Variants in PFKP observed in about 807,000 individuals in gnomAD.
The protein encoded by PFKP is ATP-dependent 6-phosphofructokinase, platelet type.
A neutral mutation model predicts 94.3 loss-of-function variants in PFKP; 101 were observed. The observed-to-expected ratio is 1.07, with a 90% CI of 0.91 to 1.26. PFKP has a LOEUF of 1.26. Among genes scored for constraint, PFKP ranks in the 50% most tolerant of loss-of-function variants. The pLI, the probability that PFKP is intolerant of heterozygous loss-of-function variation, is 0.00. For synonymous variants in PFKP, 573 were observed against 432.6 expected (o/e 1.32, Z -4.03); for missense variants, 1,145 against 1,103.3 (o/e 1.04, Z -0.53).
chr10:3,086,844 C>T (rs1458745105), intron 2 of PFKP, among the ~76,000 whole-genome samples: 2 of 152,104 alleles, frequency 1.3e-5, no homozygotes, highest in African/African-American at 2.4e-5. Context: ...TGTAGTCGCC[C>T]GTCTGTTTCC....
chr10:3,120,369 C>CTGTGTGTGTGTGTGTGTGTG lies in PFKP; in HGVS notation c.1683+336_1683+355dup, dbSNP rs3841457. ...GTGATTGTACCAGCATTAAAAATCGCTGTGTGTGTGTGTGTGTGTGTGTGT... is the reference window on the plus strand; with the variant it reads ...GTGATTGTACCAGCATTAAAAATCGCTGTGTGTGTGTGTGTGTGTGTGTGTGTGTGTGTGTGTGTGTGTGT... On this transcript the variant is annotated intron_variant, in intron 16 of 21. Coordinates refer to ENST00000381125, the MANE Select transcript of PFKP (RefSeq NM_002627.5). Among the ~76,000 whole-genome samples, 414 of 108,552 alleles carry CTGTGTGTGTGTGTGTGTGTG rather than the reference C, an allele frequency of 3.8e-3. 3 individuals carry two copies. The highest frequency in any genetic ancestry group is 0.02 in the Middle Eastern group (5 of 244). 71.2% of individuals were successfully genotyped at this position (108,552 alleles called of 152,430 possible).
chr10:3,104,982 A>T, intron 5 of PFKP, 133 bp from the exon 6 acceptor site: 2 of 795,334 alleles, frequency 2.5e-6, no homozygotes, highest in Non-Finnish European at 4.3e-6. Context: ...AGGTCCCTGC[A>T]GGCCTCCTGG....
intron 1 of PFKP, chr10:3,069,405 C>T (rs1057348968): frequency 3.2e-6 from 5 of 1,580,442 alleles, no homozygotes; most frequent in East Asian, 2.3e-5. Context: ...AATGGAGCCG[C>T]CTTGGGGTCG....
intron 1 of PFKP, chr10:3,069,257 C>A: frequency 6.8e-7 from 1 of 1,463,534 alleles, no homozygotes; most frequent in Non-Finnish European, 9.1e-7. Flanking sequence ...ACCCCAGCAT[C>A]AACGTTCTTC....
At chr10:3,081,097 T>TAC (rs1057306449) in intron 1 of PFKP, among the ~76,000 whole-genome samples, 1 of 152,210 alleles carries the variant, frequency 6.6e-6, no homozygotes, top group African/African-American at 2.4e-5. Context: ...AATATATATA[T>TAC]ACACACATAC....
At position 3,102,955 on chromosome 10, in the gene PFKP, G is replaced by A. The variant is rs57796438; in HGVS notation, c.455-824G>A. Among the ~76,000 whole-genome samples the A allele has an allele frequency of 5.2e-3, 792 of 152,296 alleles. 7 individuals are homozygous for A. The highest frequency in any genetic ancestry group is 0.018 in the African/African-American group (763 of 41,558). ...AGACCGGGACAGTGGCCACAAGTCC[G>A]GGCCCAAGCTTGCCCCTGGCCCTTC... On this transcript the variant is annotated intron_variant, in intron 4 of 21. Transcript: ENST00000381125.
intron 10 of PFKP, among the ~76,000 whole-genome samples, 178 bp from the exon 11 acceptor site, chr10:3,112,044 A>C (rs929990864): frequency 6.6e-6 from 1 of 152,118 alleles, no homozygotes; most frequent in Non-Finnish European, 1.5e-5. Flanking sequence ...CTGGCTGCCA[A>C]CCAGCATTAG....
intron 19 of PFKP, among the ~76,000 whole-genome samples, chr10:3,133,574 G>C (rs934252198): frequency 6.6e-6 from 1 of 152,138 alleles, no homozygotes; most frequent in Non-Finnish European, 1.5e-5. Context: ...GGCAGTATAG[G>C]CACCCACCAC....
chr10:3,127,057 T>C (rs1020858031), intron 16 of PFKP, among the ~76,000 whole-genome samples: 1 of 152,272 alleles, frequency 6.6e-6, no homozygotes, highest in Non-Finnish European at 1.5e-5. Flanking sequence ...GGGCCGCGCT[T>C]GGGATCTGCC....
At position 3,092,016 on chromosome 10, in the gene PFKP, A is replaced by G. The variant is rs111731886; in HGVS notation, c.187-7259A>G. ...ATGCCTTTTTATGTTGAAAGGATAA[A>G]GGGTGTTGGTACAGCATCAGCATCC... On this transcript the variant is annotated intron_variant, in intron 2 of 21. Coordinates refer to ENST00000381125, the MANE Select transcript of PFKP (RefSeq NM_002627.5). 9.6e-3 allele frequency among the ~76,000 whole-genome samples: 1,457 copies of G among 152,286 alleles called. 25 individuals are homozygous for G. Among genetic ancestry groups the G allele is most frequent in the African/African-American group, 0.033 (1,373 of 41,562 alleles).
At chr10:3,086,561 G>A (rs947490493) in intron 2 of PFKP, among the ~76,000 whole-genome samples, 1 of 152,246 alleles carries the variant, frequency 6.6e-6, no homozygotes, top group Non-Finnish European at 1.5e-5. Context: ...TGATGCTACC[G>A]CACATCCTAC....
chr10:3,128,672 T>A (rs1838221085), intron 16 of PFKP, among the ~76,000 whole-genome samples: 1 of 152,214 alleles, frequency 6.6e-6, no homozygotes, highest in Non-Finnish European at 1.5e-5. Flanking sequence ...AGCATCCCGC[T>A]CCAGGGCCTT....
At chr10:3,105,369 G>C in intron 6 of PFKP, 24 bp from the exon 7 acceptor site, 1 of 1,584,228 alleles carries the variant, frequency 6.3e-7, no homozygotes, top group Non-Finnish European at 8.7e-7. Flanking sequence ...CTGGGGTGTT[G>C]ATGCTGTTGC....
At chr10:3,083,359 A>G (rs895343049) in intron 2 of PFKP, among the ~76,000 whole-genome samples, 1 of 152,168 alleles carries the variant, frequency 6.6e-6, no homozygotes, top group Non-Finnish European at 1.5e-5. Flanking sequence ...AGTTTGGATC[A>G]CAGTATTAAT....
intron 1 of PFKP, chr10:3,068,717 G>A (rs1831934129): frequency 7.1e-6 from 7 of 984,346 alleles, no homozygotes; most frequent in Non-Finnish European, 7.2e-6. Context: ...ATGATGGAGT[G>A]TCCCGATCCG....
intron 2 of PFKP, among the ~76,000 whole-genome samples, chr10:3,086,154 A>G (rs560414013): frequency 2.0e-5 from 3 of 152,258 alleles, no homozygotes; most frequent in Admixed American, 1.3e-4. Flanking sequence ...TTTTAAATTC[A>G]TGAAGACTTG....
intron 15 of PFKP, among the ~76,000 whole-genome samples, chr10:3,119,078 A>ACT (rs143742962): frequency 0.12 from 17,640 of 149,276 alleles, 1,066 homozygotes; most frequent in Admixed American, 0.15. Flanking sequence ...AACTTAACCG[A>ACT]GAAGCAAAAG....
chr10:3,122,415 A>T (rs563612088), intron 16 of PFKP, among the ~76,000 whole-genome samples: 1 of 152,312 alleles, frequency 6.6e-6, no homozygotes, highest in Non-Finnish European at 1.5e-5. Context: ...AGGGAGAGGG[A>T]CCGATATGTG....
chr10:3,100,056 G>GGTGTGTGTGTGTGTGTGT (rs55739223), intron 3 of PFKP, among the ~76,000 whole-genome samples: 43 of 137,802 alleles, frequency 3.1e-4, no homozygotes, highest in Non-Finnish European at 4.7e-4. Flanking sequence ...GTAGGTGTGT[G>GGTGTGTGTGTGTGTGTGT]GTGTGTGTGT....
Sources: gnomAD v4.1 joint callset for allele counts (sites outside exome capture counted in the v4.1 genomes callset) on GRCh38, gnomAD v4.1.1 for gene constraint, MANE v1.5 for transcripts, NCBI Gene and HGNC (gene_info 2026-07-23, HGNC 2026-07-21) for gene names.